DNAAF11: variants seen among roughly 807,000 people sequenced by gnomAD.
DNAAF11 encodes the protein leucine rich repeat containing 6.
Under a neutral mutation model 60.8 loss-of-function variants are expected in DNAAF11, and 45 were observed. That is an observed-to-expected ratio of 0.74 (90% CI 0.58 to 0.95). The LOEUF (loss-of-function observed/expected upper bound fraction) is 0.95. Ranked by LOEUF, DNAAF11 falls within the 40% of genes least tolerant of loss-of-function variation. DNAAF11 has a pLI of 0.00. For synonymous variants in DNAAF11, 191 were observed against 183.5 expected (o/e 1.04, Z -0.33); for missense variants, 546 against 546.2 (o/e 1.00, Z 0.00).
intron 1 of DNAAF11, among the ~76,000 whole-genome samples, chr8:132,665,733 A>T (rs1276857050): frequency 6.6e-6 from 1 of 152,242 alleles, no homozygotes; most frequent in Non-Finnish European, 1.5e-5. Flanking sequence ...TCAACCTAGC[A>T]ATCTCACTAC....
intron 10 of DNAAF11, among the ~76,000 whole-genome samples, chr8:132,609,207 G>T (rs764716885): frequency 6.7e-5 from 10 of 149,736 alleles, no homozygotes; most frequent in Non-Finnish European, 1.3e-4. Flanking sequence ...AGATGCTCAA[G>T]TCTCCAATAA....
chr8:132,579,600 C>T (rs1283760301), intron 11 of DNAAF11, among the ~76,000 whole-genome samples: 1 of 152,164 alleles, frequency 6.6e-6, no homozygotes, highest in Non-Finnish European at 1.5e-5. Context: ...ATTCCCAGCA[C>T]ATTCCACAGT....
At chr8:132,620,887 G>C (rs2130234955) in intron 7 of DNAAF11, among the ~76,000 whole-genome samples, 1 of 152,314 alleles carries the variant, frequency 6.6e-6, no homozygotes, top group South Asian at 2.1e-4. Flanking sequence ...TCGTGTGGCT[G>C]AGCTGAGCTG....
intron 10 of DNAAF11, among the ~76,000 whole-genome samples, chr8:132,609,103 C>T (rs1053582069): frequency 6.6e-6 from 1 of 152,106 alleles, no homozygotes; most frequent in African/African-American, 2.4e-5. Flanking sequence ...GACCCTACCC[C>T]TAGCTTATGG....
chr8:132,674,042 G>A (rs1379806964), intron 1 of DNAAF11, among the ~76,000 whole-genome samples: 1 of 151,050 alleles, frequency 6.6e-6, no homozygotes, highest in Non-Finnish European at 1.5e-5. Flanking sequence ...AGGAGCAGGA[G>A]CAGAAGGAGC....
At chr8:132,694,359 G>T in the DNAAF11 span, among the ~76,000 whole-genome samples, 1 of 152,120 alleles carries the variant, frequency 6.6e-6, no homozygotes, top group Non-Finnish European at 1.5e-5. Flanking sequence ...GTCCTCATAA[G>T]AAGGGGAAAA....
chr8:132,655,896 A>C lies in DNAAF11; in HGVS notation c.256+934T>G, dbSNP rs112077955. Among the ~76,000 whole-genome samples, 558 of 142,856 alleles carry C rather than the reference A, an allele frequency of 3.9e-3. 3 individuals carry two copies. The highest frequency in any genetic ancestry group is 0.014 in the African/African-American group (525 of 38,726). 93.7% of individuals were successfully genotyped at this position (142,856 alleles called of 152,430 possible). A position where few individuals can be genotyped will look rare whatever the true frequency, so the allele number is the denominator to read the frequency against. On this transcript the variant is annotated intron_variant, in intron 3 of 11. Coordinates refer to ENST00000620350, the MANE Select transcript of DNAAF11 (RefSeq NM_012472.6). Reference sequence around the variant, plus strand: ...TGTGTAGAAATCGGTACTCACATGGACTATCAGTATAAGTACAAATCGATA... The same window carrying C: ...TGTGTAGAAATCGGTACTCACATGGCCTATCAGTATAAGTACAAATCGATA...
intron 7 of DNAAF11, among the ~76,000 whole-genome samples, chr8:132,618,604 A>G (rs1488091400): frequency 7.4e-6 from 1 of 134,708 alleles, no homozygotes; most frequent in Middle Eastern, 3.3e-3. Flanking sequence ...TTTACAAGAA[A>G]AAAACAAACA....
At chr8:132,647,547 C>A (rs1297716853) in intron 3 of DNAAF11, among the ~76,000 whole-genome samples, 2 of 152,114 alleles carry the variant, frequency 1.3e-5, no homozygotes, top group African/African-American at 4.8e-5. Flanking sequence ...ACACAAAAAA[C>A]CCTTCAAAAA....
chr8:132,591,067 G>GATATATGTT (rs1816413470), intron 10 of DNAAF11, among the ~76,000 whole-genome samples: 1 of 152,042 alleles, frequency 6.6e-6, no homozygotes, highest in African/African-American at 2.4e-5. Flanking sequence ...TATATTGTAT[G>GATATATGTT]ATATATGTAA....
At chr8:132,619,980 G>C (rs944135763) in intron 7 of DNAAF11, among the ~76,000 whole-genome samples, 8 of 152,134 alleles carry the variant, frequency 5.3e-5, no homozygotes, top group African/African-American at 1.7e-4. Context: ...TCTCCTGATT[G>C]CTTTTTTTCT....
At chr8:132,690,927 T>A in the DNAAF11 span, among the ~76,000 whole-genome samples, 3 of 152,230 alleles carry the variant, frequency 2.0e-5, no homozygotes, top group Non-Finnish European at 4.4e-5. Context: ...TGTCACTGCT[T>A]ACGTTGGCCT....
In DNAAF11 at chr8:132,627,611, T is replaced by G. The variant is rs374420037; in HGVS notation, c.654-2157A>C. Among the ~76,000 whole-genome samples the G allele has an allele frequency of 1.2e-4, 19 of 152,212 alleles. No homozygotes were observed. The East Asian group carries it at 2.1e-3, about 17-fold the overall frequency. ...GACCTAAATTTCAAATCGAAGCCAT[T>G]CCCTCCCCCTCCAACCCATTCTCTC... On this transcript the variant is annotated intron_variant, in intron 5 of 11. Transcript: ENST00000620350.
intron 3 of DNAAF11, among the ~76,000 whole-genome samples, chr8:132,646,383 T>G (rs1331058515): frequency 6.6e-6 from 1 of 152,088 alleles, no homozygotes; most frequent in Non-Finnish European, 1.5e-5. Flanking sequence ...TGCAAAAACA[T>G]GCCAAATTTT....
intron 3 of DNAAF11, among the ~76,000 whole-genome samples, chr8:132,649,519 G>A (rs534059933): frequency 1.7e-3 from 266 of 152,196 alleles, no homozygotes; most frequent in African/African-American, 6.3e-3. Flanking sequence ...TGACAAATGG[G>A]ATCTAATTAA....
chr8:132,638,358 G>C (rs1032302787), intron 3 of DNAAF11, among the ~76,000 whole-genome samples: 6 of 152,000 alleles, frequency 3.9e-5, no homozygotes, highest in Non-Finnish European at 8.8e-5. Context: ...CACTTTCCCT[G>C]CTCACACTTA....
At chr8:132,588,231 C>A (rs571555283) in intron 10 of DNAAF11, among the ~76,000 whole-genome samples, 1 of 152,232 alleles carries the variant, frequency 6.6e-6, no homozygotes, top group South Asian at 2.1e-4. Context: ...TGAAAACATG[C>A]TACTTGTAAA....
chr8:132,659,552 G>GC (rs1370341456), intron 2 of DNAAF11, among the ~76,000 whole-genome samples: 1 of 152,108 alleles, frequency 6.6e-6, no homozygotes, highest in Admixed American at 6.5e-5. Flanking sequence ...GTTCTTTCAT[G>GC]CCCCCATGCA....
At position 132,625,270 on chromosome 8, in the gene DNAAF11, AC is replaced by A; in HGVS notation, c.836+1del. 6.3e-7 allele frequency: 1 copy of A among 1,596,044 alleles called. No homozygotes were observed. Among genetic ancestry groups the A allele is most frequent in the Non-Finnish European group, 8.5e-7 (1 of 1,171,962 alleles). On this transcript the variant is annotated splice_donor_variant, in intron 6 of 11. Transcript: ENST00000620350. LOFTEE classifies it high-confidence loss of function. Reference sequence around the variant, plus strand: ...TCCCTCTCCTAGGAAAGAATGAAATACCTTAATTTTTCCTGTTTCTTCCGTT... The same window carrying A: ...TCCCTCTCCTAGGAAAGAATGAAATACTTAATTTTTCCTGTTTCTTCCGTT...
Sources: allele counts gnomAD v4.1 joint callset (sites outside exome capture counted in the v4.1 genomes callset), GRCh38; gene constraint gnomAD v4.1.1; transcripts MANE v1.5; gene names NCBI Gene and HGNC (gene_info 2026-07-23, HGNC 2026-07-21).